CCM2L: variants seen among roughly 807,000 people sequenced by gnomAD.
CCM2L encodes the protein cerebral cavernous malformations 2 protein-like.
Under a neutral mutation model 54.1 loss-of-function variants are expected in CCM2L, and 36 were observed. The ratio of observed to expected loss-of-function variants is 0.67; its 90% confidence interval spans 0.51 to 0.88. The LOEUF (loss-of-function observed/expected upper bound fraction) is 0.88. Among genes scored for constraint, CCM2L ranks in the 40% least tolerant of loss-of-function variants. The pLI, the probability that CCM2L is intolerant of heterozygous loss-of-function variation, is 0.00. For missense variants in CCM2L, 700 were observed against 812.1 expected (o/e 0.86, Z 1.68); for synonymous variants, 351 against 359.3 (o/e 0.98, Z 0.26).
At chr20:32,010,663 G>C (rs1422742349) in intron 1 of CCM2L, among the ~76,000 whole-genome samples, 179 bp downstream of exon 1, 1 of 152,086 alleles carries the variant, frequency 6.6e-6, no homozygotes, top group Non-Finnish European at 1.5e-5. Context: ...TAAACTCCCT[G>C]TTTCTCCACT....
intron 3 of CCM2L, 27 bp from the exon 4 acceptor site, chr20:32,017,952 G>A (rs1219918288): frequency 1.2e-6 from 2 of 1,613,134 alleles, no homozygotes; most frequent in Middle Eastern, 1.6e-4. Flanking sequence ...CGGACCTCGG[G>A]AACTCGAGAT....
intron 1 of CCM2L, among the ~76,000 whole-genome samples, chr20:32,010,784 C>A (rs569104569): frequency 6.6e-6 from 1 of 152,092 alleles, no homozygotes; most frequent in Non-Finnish European, 1.5e-5. Flanking sequence ...TGGTGTTCCC[C>A]GCAGCTCCCT....
intron 1 of CCM2L, among the ~76,000 whole-genome samples, chr20:32,013,911 G>A (rs2064715575): frequency 6.6e-6 from 1 of 152,140 alleles, no homozygotes; most frequent in South Asian, 2.1e-4. Context: ...GATGGGGCCT[G>A]ATAATCTGCA....
intron 2 of CCM2L, among the ~76,000 whole-genome samples, 175 bp from the exon 3 acceptor site, chr20:32,017,625 G>A (rs772217951): frequency 2.0e-5 from 3 of 152,126 alleles, no homozygotes; most frequent in East Asian, 1.9e-4. Flanking sequence ...TATATAGAGA[G>A]CGCTCAGAAC....
Position 32,031,987 on chromosome 20 carries a change from C to T in CCM2L, c.*673C>T, listed in dbSNP as rs2064935551. 1 of 152,064 alleles carries T rather than the reference C, an allele frequency of 6.6e-6. No individual in the cohort carries two copies. Among genetic ancestry groups the T allele is most frequent in the Non-Finnish European group, 1.5e-5 (1 of 68,034 alleles). The allele number at this position is 152,064 out of a possible 1,614,324, so 9.4% of individuals were successfully genotyped here. ...TTAAGACCCCAAACAAGGGTTTTTT[C>T]AGCTCCAGGATCTGGAGCCTCTATC... On this transcript the variant is annotated 3_prime_UTR_variant, in exon 10 of 10. Coordinates refer to ENST00000452892, the MANE Select transcript of CCM2L (RefSeq NM_001365692.1).
chr20:32,023,938 T>C (rs918069318), intron 6 of CCM2L, among the ~76,000 whole-genome samples: 8 of 152,158 alleles, frequency 5.3e-5, no homozygotes, highest in African/African-American at 4.8e-5. Context: ...ACCATGTTAG[T>C]TGGCCAGTGT....
chr20:32,022,714 G>A lies in CCM2L; in HGVS notation c.988G>A (p.Gly330Arg), dbSNP rs150517873. 15 of 1,613,948 alleles carry A rather than the reference G, an allele frequency of 9.3e-6. No individual in the cohort carries two copies. The highest frequency in any genetic ancestry group is 5.0e-5 in the Admixed American group (3 of 60,004). ...LICQVFQIIY[G>R]DQSIECVDRA... ...CTGTCAGGTCTTCCAGATCATCTAC[G>A]GGGACCAGAGTATTGAGTGTGTGGA... is the stretch of plus-strand genomic sequence containing the variant. Residue 330 changes from glycine (G) to arginine (R), a missense_variant, in exon 6 of 10, where the codon GGG becomes AGG. Coordinates refer to ENST00000452892, the MANE Select transcript of CCM2L (RefSeq NM_001365692.1).
chr20:32,011,447 A>C (rs571443164), intron 1 of CCM2L, among the ~76,000 whole-genome samples: 10 of 152,226 alleles, frequency 6.6e-5, no homozygotes, highest in African/African-American at 2.4e-4. Flanking sequence ...TCTACTAAAA[A>C]TACAAAAATT....
At chr20:32,024,266 A>G (rs973323103) in intron 6 of CCM2L, among the ~76,000 whole-genome samples, 1 of 152,234 alleles carries the variant, frequency 6.6e-6, no homozygotes. Context: ...TCTTTTCTTC[A>G]GAAGACCCTC....
intron 7 of CCM2L, chr20:32,028,255 A>G (rs938004130): frequency 6.6e-6 from 1 of 152,156 alleles, no homozygotes; most frequent in Non-Finnish European, 1.5e-5. Context: ...CTGGACAAAC[A>G]TGGTGAAACC....
chr20:32,018,191 AGGGGCGGGG>A, intron 4 of CCM2L, 29 bp downstream of exon 4: 1 of 67,362 alleles, frequency 1.5e-5, no homozygotes, highest in African/African-American at 4.0e-4. Flanking sequence ...GGGGCGGGGG[AGGGGCGGGG>A]GCGGGGGCGG....
Position 32,029,855 on chromosome 20 carries a change from C to T in CCM2L, c.1402+17C>T, listed in dbSNP as rs761982941. 1.3e-6 allele frequency: 2 copies of T among 1,577,294 alleles called. No homozygotes were observed. The highest frequency in any genetic ancestry group is 8.6e-7 in the Non-Finnish European group (1 of 1,158,494). On this transcript the variant is annotated intron_variant, in intron 9 of 9. Transcript: ENST00000452892. ...TCCTCCTTGGTGAGCCCCCGCTGTA[C>T]CCCCAGAGGTCAGCTAGGGCCCCTG...
In CCM2L at chr20:32,031,201, G is replaced by T. The variant is rs1407667168; in HGVS notation, c.1603G>T (p.Ala535Ser). 7.7e-7 allele frequency: 1 copy of T among 1,301,384 alleles called. No individual in the cohort carries two copies. Among genetic ancestry groups the T allele is most frequent in the Non-Finnish European group, 1.0e-6 (1 of 988,542 alleles). The allele number at this position is 1,301,384 out of a possible 1,614,324, so 80.6% of individuals were successfully genotyped here. ...GGCACAGGCCTTCCACCGGCTGCTG[G>T]CTGACATCACGCACGACATCGAGGC... Reference protein sequence around the residue: ...PEAQAFHRLLADITHDIEALA... With the variant: ...PEAQAFHRLLSDITHDIEALA... Residue 535 changes from alanine (A) to serine (S), a missense_variant, in exon 10 of 10, where the codon GCT becomes TCT. Ala to Ser is a moderately conservative substitution (Grantham distance 99). Coordinates refer to ENST00000452892, the MANE Select transcript of CCM2L (RefSeq NM_001365692.1).
Position 32,014,146 on chromosome 20 carries a change from A to G in CCM2L, c.31-758A>G, listed in dbSNP as rs1481897954. ...TATAACTTTTAGGAAAGCACAGAGA[A>G]TAGCCTAAGAAATAGCTATGCACCC... On this transcript the variant is annotated intron_variant, in intron 1 of 9. Transcript: ENST00000452892. Among the ~76,000 whole-genome samples the G allele has an allele frequency of 2.0e-5, 3 of 151,710 alleles. No individual in the cohort carries two copies. In the East Asian group the frequency reaches 5.8e-4, roughly 29 times the overall value.
At chr20:32,024,253 C>T (rs1007339210) in intron 6 of CCM2L, among the ~76,000 whole-genome samples, 7 of 152,218 alleles carry the variant, frequency 4.6e-5, no homozygotes, top group African/African-American at 1.2e-4. Flanking sequence ...GCAGAGTGCT[C>T]GTTCTTTTCT....
In CCM2L at chr20:32,029,942, C is replaced by T. The variant is rs2064905515; in HGVS notation, c.1402+104C>T. On this transcript the variant is annotated intron_variant, in intron 9 of 9. Coordinates refer to ENST00000452892, the MANE Select transcript of CCM2L (RefSeq NM_001365692.1). ...AAATGTTTTCTCCTTATCTTTCAGC[C>T]TCTGATGAAACCCAGATCATGAGAT... is the stretch of plus-strand genomic sequence containing the variant. 6.0e-6 allele frequency: 8 copies of T among 1,326,004 alleles called. No homozygotes were observed. In the South Asian group the frequency reaches 8.5e-5, roughly 14 times the overall value. 82.1% of individuals were successfully genotyped at this position (1,326,004 alleles called of 1,614,324 possible).
chr20:32,030,215 A>T (rs2064908536), intron 9 of CCM2L, among the ~76,000 whole-genome samples: 1 of 152,188 alleles, frequency 6.6e-6, no homozygotes, highest in South Asian at 2.1e-4. Flanking sequence ...AATACGAATA[A>T]GCTGACATGT....
In CCM2L at chr20:32,025,314, C is replaced by G. The variant is rs146345568; in HGVS notation, c.1070-542C>G. The stretch of plus-strand genomic sequence containing the variant: ...TTCAGGGTCTGGCTCTGTCACCCAG[C>G]CTGGACTGTAGTGGTACAATCACGG... On this transcript the variant is annotated intron_variant, in intron 6 of 9. Transcript: ENST00000452892. 5.5e-3 allele frequency among the ~76,000 whole-genome samples: 829 copies of G among 150,692 alleles called. 10 individuals carry two copies. The highest frequency in any genetic ancestry group is 0.018 in the African/African-American group (732 of 40,894).
intron 5 of CCM2L, 78 bp downstream of exon 5, chr20:32,019,487 AC>A: frequency 1.3e-6 from 1 of 775,818 alleles, no homozygotes; most frequent in Non-Finnish European, 1.6e-6. Flanking sequence ...CCCCCGCCCC[AC>A]CCACCAGGTT....
Sources: gnomAD v4.1 joint callset for allele counts (sites outside exome capture counted in the v4.1 genomes callset) on GRCh38, gnomAD v4.1.1 for gene constraint, MANE v1.5 for transcripts, NCBI Gene and HGNC (gene_info 2026-07-23, HGNC 2026-07-21) for gene names.